Variants in NTM observed in about 807,000 individuals in gnomAD.
NTM encodes the protein neurotrimin.
Under a neutral mutation model 42.1 loss-of-function variants are expected in NTM, and 13 were observed. The observed-to-expected ratio is 0.31, with a 90% CI of 0.20 to 0.49. The LOEUF is 0.49. Ranked by LOEUF, NTM falls within the 20% of genes least tolerant of loss-of-function variation. The probability of loss-of-function intolerance (pLI) is 0.99; values close to 1 mark genes in which losing one functional copy is unlikely to be tolerated. For synonymous variants in NTM, 187 were observed against 179.2 expected (o/e 1.04, Z -0.35); for missense variants, 373 against 452.8 (o/e 0.82, Z 1.60).
intron 1 of NTM, among the ~76,000 whole-genome samples, chr11:131,769,844 A>G (rs953221646): frequency 1.3e-5 from 2 of 152,218 alleles, no homozygotes; most frequent in African/African-American, 4.8e-5. Context: ...ATGGAGAAAC[A>G]CACCAGGAAG....
chr11:132,153,713 A>G (rs1390464872), intron 3 of NTM, among the ~76,000 whole-genome samples: 2 of 152,182 alleles, frequency 1.3e-5, no homozygotes, highest in Non-Finnish European at 2.9e-5. Flanking sequence ...CAGATCGAAG[A>G]CACTCTACTG....
At chr11:131,753,830 C>T (rs1484745140) in intron 1 of NTM, among the ~76,000 whole-genome samples, 1 of 151,400 alleles carries the variant, frequency 6.6e-6, no homozygotes, top group Non-Finnish European at 1.5e-5. Context: ...CAGCATGGCA[C>T]ATGTATACAT....
intron 1 of NTM, among the ~76,000 whole-genome samples, chr11:131,841,740 C>T (rs530034622): frequency 2.6e-4 from 40 of 152,140 alleles, no homozygotes; most frequent in African/African-American, 8.2e-4. Context: ...ATGACTTCCA[C>T]GAGGAAGAGC....
At chr11:132,202,253 A>G (rs2081274465) in intron 3 of NTM, among the ~76,000 whole-genome samples, 1 of 152,168 alleles carries the variant, frequency 6.6e-6, no homozygotes, top group African/African-American at 2.4e-5. Flanking sequence ...GTGGGGAATC[A>G]TGCCTTAGGA....
intron 1 of NTM, among the ~76,000 whole-genome samples, chr11:131,868,233 T>C (rs1210653376): frequency 6.6e-6 from 1 of 152,234 alleles, no homozygotes; most frequent in Non-Finnish European, 1.5e-5. Flanking sequence ...CTGGCGTTTT[T>C]GTTTCCTCGC....
chr11:132,130,738 G>C (rs965254212), intron 2 of NTM, among the ~76,000 whole-genome samples: 1 of 152,218 alleles, frequency 6.6e-6, no homozygotes, highest in Non-Finnish European at 1.5e-5. Flanking sequence ...GAATAGGGAA[G>C]TCTGATGGAG....
chr11:131,598,872 C>CTTT (rs2060189615), intron 1 of NTM, among the ~76,000 whole-genome samples: 7 of 34,396 alleles, frequency 2.0e-4, no homozygotes, highest in African/African-American at 6.0e-4. Flanking sequence ...TTCCTTCCTT[C>CTTT]CTTCTTCCTT....
At chr11:131,567,749 C>T (rs2137056949) in intron 1 of NTM, among the ~76,000 whole-genome samples, 1 of 152,242 alleles carries the variant, frequency 6.6e-6, no homozygotes, top group East Asian at 1.9e-4. Flanking sequence ...GTCTTTCTTC[C>T]CCAAATTATT....
At chr11:132,275,291 G>C (rs1038731378) in intron 4 of NTM, among the ~76,000 whole-genome samples, 1 of 151,934 alleles carries the variant, frequency 6.6e-6, no homozygotes, top group Non-Finnish European at 1.5e-5. Context: ...GTATTGAAGG[G>C]ACTATCTTTT....
chr11:132,142,649 G>A (rs2069432479), intron 2 of NTM, among the ~76,000 whole-genome samples: 1 of 152,128 alleles, frequency 6.6e-6, no homozygotes, highest in Non-Finnish European at 1.5e-5. Context: ...TCATTCCGTG[G>A]GGATTCAGCA....
At chr11:131,861,053 C>T (rs1477500421) in intron 1 of NTM, among the ~76,000 whole-genome samples, 1 of 152,156 alleles carries the variant, frequency 6.6e-6, no homozygotes, top group Non-Finnish European at 1.5e-5. Context: ...TTCTTCAGCC[C>T]TACCCCTGGC....
chr11:131,780,755 G>A (rs753898097), intron 1 of NTM, among the ~76,000 whole-genome samples: 3 of 152,156 alleles, frequency 2.0e-5, no homozygotes, highest in African/African-American at 2.4e-5. Context: ...CTAAGTACAC[G>A]AAGCAGCCTT....
At chr11:132,071,517 G>A (rs1354901317) in intron 2 of NTM, among the ~76,000 whole-genome samples, 1 of 152,230 alleles carries the variant, frequency 6.6e-6, no homozygotes, top group Non-Finnish European at 1.5e-5. Context: ...TCCTATCAGT[G>A]AGGAGATCAT....
intron 1 of NTM, among the ~76,000 whole-genome samples, chr11:131,445,528 G>A (rs1949990673): frequency 1.3e-5 from 2 of 152,192 alleles, no homozygotes; most frequent in Admixed American, 1.3e-4. Context: ...GTGACCTTGT[G>A]GGGTGTGACA....
intron 2 of NTM, among the ~76,000 whole-genome samples, chr11:131,932,596 G>A (rs1438606603): frequency 6.6e-6 from 1 of 152,132 alleles, no homozygotes; most frequent in East Asian, 1.9e-4. Context: ...AAAAATGGAA[G>A]CACTTCATCC....
At chr11:131,831,438 T>A (rs961293826) in intron 1 of NTM, among the ~76,000 whole-genome samples, 1 of 152,122 alleles carries the variant, frequency 6.6e-6, no homozygotes, top group African/African-American at 2.4e-5. Flanking sequence ...TCCTCATGGC[T>A]GGAAAATGGC....
chr11:132,331,878 C>T (rs899308275), intron 8 of NTM, among the ~76,000 whole-genome samples: 2 of 152,036 alleles, frequency 1.3e-5, no homozygotes, highest in Non-Finnish European at 2.9e-5. Context: ...AAAGACCCGC[C>T]CCTGTGTGCT....
At chr11:131,770,615 C>T (rs1182208709) in intron 1 of NTM, among the ~76,000 whole-genome samples, 1 of 152,152 alleles carries the variant, frequency 6.6e-6, no homozygotes, top group Non-Finnish European at 1.5e-5. Context: ...ATTAAATCAA[C>T]AGTCTGTTGA....
At chr11:131,983,578 G>A (rs549453340) in intron 2 of NTM, among the ~76,000 whole-genome samples, 37 of 152,100 alleles carry the variant, frequency 2.4e-4, no homozygotes, top group African/African-American at 3.4e-4. Flanking sequence ...GTTTCACCAC[G>A]TTGGCTGGGC....
Sources: gnomAD v4.1 joint callset for allele counts (sites outside exome capture counted in the v4.1 genomes callset) on GRCh38, gnomAD v4.1.1 for gene constraint, MANE v1.5 for transcripts, NCBI Gene and HGNC (gene_info 2026-07-23, HGNC 2026-07-21) for gene names.